The following HTR1D variants were observed in gnomAD, a reference collection of about 807,000 sequenced individuals.
HTR1D encodes the protein 5-hydroxytryptamine receptor 1D.
Under a neutral mutation model 21.1 loss-of-function variants are expected in HTR1D, and 18 were observed. The observed-to-expected ratio is 0.85, with a 90% CI of 0.59 to 1.27. The LOEUF (loss-of-function observed/expected upper bound fraction) is 1.27, where lower values mean the gene tolerates loss of function less well. HTR1D is among the 50% of genes most tolerant of loss of function. The probability of loss-of-function intolerance (pLI) is 0.00; values close to 1 mark genes in which losing one functional copy is unlikely to be tolerated. For synonymous variants in HTR1D, 196 were observed against 204.4 expected (o/e 0.96, Z 0.35); for missense variants, 456 against 481.4 (o/e 0.95, Z 0.49).
At chr1:23,206,955 G>C (rs1244157529) in intron 1 of HTR1D, among the ~76,000 whole-genome samples, 1 of 152,212 alleles carries the variant, frequency 6.6e-6, no homozygotes, top group Non-Finnish European at 1.5e-5. Flanking sequence ...CTGGGCTTTA[G>C]CTTGGCTTTG....
At chr1:23,202,206 C>G (rs1314635728) in intron 1 of HTR1D, among the ~76,000 whole-genome samples, 1 of 152,084 alleles carries the variant, frequency 6.6e-6, no homozygotes, top group Non-Finnish European at 1.5e-5. Context: ...AACCTATTCT[C>G]CTGCCTCAGC....
Position 23,194,647 on chromosome 1 carries a change from T to C in HTR1D, c.-428A>G, listed in dbSNP as rs569885069. ...GGGATTCTTGCCTTTGGCATCTGGC[T>C]CTTTTCAAAGCTTGAGACATTCGTG... On this transcript the variant is annotated 5_prime_UTR_variant, in exon 2 of 2. Transcript: ENST00000374619. 5.9e-6 allele frequency: 1 copy of C among 168,480 alleles called. No homozygotes were observed. The highest frequency in any genetic ancestry group is 1.4e-5 in the Non-Finnish European group (1 of 69,036). 10.4% of individuals were successfully genotyped at this position (168,480 alleles called of 1,614,324 possible). A position where few individuals can be genotyped will look rare whatever the true frequency, so the allele number is the denominator to read the frequency against.
chr1:23,210,950 T>A (rs1234686678), intron 1 of HTR1D, among the ~76,000 whole-genome samples: 1 of 152,206 alleles, frequency 6.6e-6, no homozygotes, highest in African/African-American at 2.4e-5. Context: ...CTATCTTCTC[T>A]AGACTGGATA....
intron 1 of HTR1D, among the ~76,000 whole-genome samples, chr1:23,211,642 T>C (rs182431906): frequency 1.1e-4 from 16 of 151,944 alleles, no homozygotes; most frequent in African/African-American, 3.1e-4. Flanking sequence ...TGTATGTATG[T>C]ATGTATGTAT....
chr1:23,214,951 G>C (rs965291934), intron 1 of HTR1D, among the ~76,000 whole-genome samples: 2 of 152,150 alleles, frequency 1.3e-5, no homozygotes, highest in African/African-American at 4.8e-5. Flanking sequence ...TGTCTACTAG[G>C]AGAGGAGCAG....
intron 1 of HTR1D, among the ~76,000 whole-genome samples, chr1:23,196,653 G>C (rs1046126960): frequency 1.3e-5 from 2 of 152,152 alleles, no homozygotes; most frequent in Non-Finnish European, 2.9e-5. Flanking sequence ...AAGAGCTCTT[G>C]CTATATTTCA....
chr1:23,217,022 C>T lies in HTR1D; in HGVS notation c.-783+269G>A, dbSNP rs1332738075. On this transcript the variant is annotated intron_variant, in intron 1 of 1. Coordinates refer to ENST00000374619, the MANE Select transcript of HTR1D (RefSeq NM_000864.5). The surrounding 1 kb of genome is among the most constrained non-coding windows in gnomAD (Gnocchi z 4.6). ...CCAGTTCTCGCCTGGGCGCTGGGCACCCCCAACGCGCGCGTGGGATCCCGC... is the reference window on the plus strand; with the variant it reads ...CCAGTTCTCGCCTGGGCGCTGGGCATCCCCAACGCGCGCGTGGGATCCCGC... 6.6e-6 allele frequency among the ~76,000 whole-genome samples: 1 copy of T among 152,046 alleles called. No homozygotes were observed. The highest frequency in any genetic ancestry group is 1.5e-5 in the Non-Finnish European group (1 of 67,952).
Position 23,194,320 on chromosome 1 carries a change from T to G in HTR1D, c.-101A>C. Reference sequence around the variant, plus strand: ...AAGTCATCCTTCTGCTTCACACTGGTGGGAGCCGTACACCAGAACAGACCA... The same window carrying G: ...AAGTCATCCTTCTGCTTCACACTGGGGGGAGCCGTACACCAGAACAGACCA... On this transcript the variant is annotated 5_prime_UTR_variant, in exon 2 of 2. Coordinates refer to ENST00000374619, the MANE Select transcript of HTR1D (RefSeq NM_000864.5). 9.2e-7 allele frequency: 1 copy of G among 1,083,128 alleles called. No homozygotes were observed. Among genetic ancestry groups the G allele is most frequent in the Non-Finnish European group, 1.4e-6 (1 of 735,694 alleles). The allele number at this position is 1,083,128 out of a possible 1,614,324, so 67.1% of individuals were successfully genotyped here. A position where few individuals can be genotyped will look rare whatever the true frequency, so the allele number is the denominator to read the frequency against.
At chr1:23,201,170 G>A (rs1246792208) in intron 1 of HTR1D, among the ~76,000 whole-genome samples, 1 of 152,236 alleles carries the variant, frequency 6.6e-6, no homozygotes, top group Non-Finnish European at 1.5e-5. Flanking sequence ...ACCATGGGGA[G>A]CTGGGCTGGA....
rs1166018328 is a variant in HTR1D at position 23,192,596 on chromosome 1, C to T, written c.*490G>A. On this transcript the variant is annotated 3_prime_UTR_variant, in exon 2 of 2. Coordinates refer to ENST00000374619, the MANE Select transcript of HTR1D (RefSeq NM_000864.5). ...GTGGCTCATGCCTGTAATCCCAGCA[C>T]TTTGGGATGCTGAGGCGGGCGGATC... is the stretch of plus-strand genomic sequence containing the variant. The T allele has an allele frequency of 6.5e-6, 1 of 152,678 alleles. No homozygotes were observed. Among genetic ancestry groups the T allele is most frequent in the Admixed American group, 6.5e-5 (1 of 15,286 alleles). The allele number at this position is 152,678 out of a possible 1,614,324, so 9.5% of individuals were successfully genotyped here.
chr1:23,193,809 G>C lies in HTR1D; in HGVS notation c.411C>G (p.Tyr137Ter), dbSNP rs1644672674. Reference protein sequence around the residue: ...LHLCVIALDRYWAITDALEYS... With the variant: ...LHLCVIALDR ...ATTCCAGGGCATCTGTGATTGCCCA[G>C]TACCTGTCCAGAGCAATGACACAGA... Residue 137 changes from tyrosine to a stop codon, truncating the protein, a stop_gained, in exon 2 of 2, where the codon TAC becomes TAG. Transcript: ENST00000374619. LOFTEE classifies it high-confidence loss of function. 6.2e-7 allele frequency: 1 copy of C among 1,614,104 alleles called. No individual in the cohort carries two copies. Among genetic ancestry groups the C allele is most frequent in the Non-Finnish European group, 8.5e-7 (1 of 1,180,024 alleles).
chr1:23,206,882 G>C (rs986814273), intron 1 of HTR1D, among the ~76,000 whole-genome samples: 4 of 152,152 alleles, frequency 2.6e-5, no homozygotes, highest in African/African-American at 9.7e-5. Context: ...GTCTATGAAA[G>C]GCTCCAGGAA....
chr1:23,193,555 C>G lies in HTR1D; in HGVS notation c.665G>C (p.Arg222Pro). The G allele has an allele frequency of 6.2e-7, 1 of 1,613,942 alleles. No homozygotes were observed. Among genetic ancestry groups the G allele is most frequent in the Non-Finnish European group, 8.5e-7 (1 of 1,179,896 alleles). The change falls in exon 2 of 2, where the codon CGG (arginine) becomes CCG (proline). Residue 222 changes from arginine (R) to proline (P), a missense_variant. By Grantham distance (103) the Arg-to-Pro change is moderately radical (BLOSUM62 -2). Coordinates refer to ENST00000374619, the MANE Select transcript of HTR1D (RefSeq NM_000864.5). Reference sequence around the variant, plus strand: ...ATTCAGGATGCGGTTCCGGGCAGCCCGGTAGATCCGGCCATATAGGATGAT... The same window carrying G: ...ATTCAGGATGCGGTTCCGGGCAGCCGGGTAGATCCGGCCATATAGGATGAT... ...LLIILYGRIY[R>P]AARNRILNPP...
At chr1:23,200,801 G>A (rs1002398512) in intron 1 of HTR1D, among the ~76,000 whole-genome samples, 2 of 152,176 alleles carry the variant, frequency 1.3e-5, no homozygotes, top group Non-Finnish European at 1.5e-5. Flanking sequence ...CCGTTTTGGT[G>A]AGAGATGTCT....
Position 23,193,980 on chromosome 1 carries a change from C to A in HTR1D, c.240G>T (p.Leu80=). Residue 80 remains leucine, a synonymous_variant, in exon 2 of 2, where the codon CTG becomes CTT. Transcript: ENST00000374619. ...HTPANYLIGS[L]ATTDLLVSIL... ...TGGAAACCAAGAGGTCGGTGGTGGC[C>A]AGGGAGCCAATCAGGTAGTTGGCAG... 6.2e-7 allele frequency: 1 copy of A among 1,614,064 alleles called. No homozygotes were observed. The highest frequency in any genetic ancestry group is 8.5e-7 in the Non-Finnish European group (1 of 1,180,024).
intron 1 of HTR1D, among the ~76,000 whole-genome samples, chr1:23,216,200 C>T (rs966697361): frequency 6.6e-6 from 1 of 152,268 alleles, no homozygotes; most frequent in Non-Finnish European, 1.5e-5. Context: ...ACACCACGGG[C>T]TCAACTGGAA....
intron 1 of HTR1D, among the ~76,000 whole-genome samples, chr1:23,203,860 C>T (rs752553936): frequency 2.0e-5 from 3 of 152,018 alleles, no homozygotes; most frequent in South Asian, 2.1e-4. Flanking sequence ...TACAGTAGAA[C>T]GGGGCCAGGC....
At chr1:23,207,469 G>A (rs1159351082) in intron 1 of HTR1D, among the ~76,000 whole-genome samples, 1 of 152,122 alleles carries the variant, frequency 6.6e-6, no homozygotes, top group Admixed American at 6.5e-5. Flanking sequence ...CCTCCAGGGG[G>A]CAGAGCCCAG....
chr1:23,200,790 C>T (rs916489776), intron 1 of HTR1D, among the ~76,000 whole-genome samples: 3 of 152,162 alleles, frequency 2.0e-5, no homozygotes, highest in Non-Finnish European at 1.5e-5. Context: ...AGTATCACTG[C>T]CCGTTTTGGT....
Sources: gnomAD v4.1 joint callset for allele counts (sites outside exome capture counted in the v4.1 genomes callset) on GRCh38, gnomAD v4.1.1 for gene constraint, Gnocchi (gnomAD v3.1) non-coding constraint, MANE v1.5 for transcripts, NCBI Gene and HGNC (gene_info 2026-07-23, HGNC 2026-07-21) for gene names.